Variants in ZBTB20 observed in about 807,000 individuals in gnomAD.
ZBTB20 encodes zinc finger and BTB domain-containing protein 20.
Under a neutral mutation model 56.9 loss-of-function variants are expected in ZBTB20, and 9 were observed. The ratio of observed to expected loss-of-function variants is 0.16; its 90% CI spans 0.10 to 0.28. The LOEUF (loss-of-function observed/expected upper bound fraction) is 0.28. ZBTB20 is among the 10% of genes least tolerant of loss of function. The pLI, the probability that ZBTB20 is intolerant of heterozygous loss-of-function variation, is 1.00. For synonymous variants in ZBTB20, 417 were observed against 420.7 expected, an observed-to-expected ratio of 0.99 and a Z score of 0.11; for missense variants, 655 against 1,003.0, an observed-to-expected ratio of 0.65 and a Z score of 4.69.
intron 4 of ZBTB20, among the ~76,000 whole-genome samples, chr3:114,886,356 C>A (rs1187384594): frequency 6.6e-6 from 1 of 152,186 alleles, no homozygotes; most frequent in East Asian, 1.9e-4. Flanking sequence ...ATCCATAGTT[C>A]TCTAATAAAG....
At chr3:114,813,986 T>C (rs1578991356) in intron 4 of ZBTB20, among the ~76,000 whole-genome samples, 1 of 152,034 alleles carries the variant, frequency 6.6e-6, no homozygotes, top group South Asian at 2.1e-4. Flanking sequence ...ATATCCTTTG[T>C]TGCTAATGAA....
chr3:115,081,192 A>T (rs1205576202), intron 1 of ZBTB20, among the ~76,000 whole-genome samples: 2 of 152,158 alleles, frequency 1.3e-5, no homozygotes, highest in Non-Finnish European at 2.9e-5. Context: ...CATTCTCTGG[A>T]TTCTATGTAA....
At chr3:114,567,829 CA>C (rs1352515928) in intron 6 of ZBTB20, among the ~76,000 whole-genome samples, 3 of 152,198 alleles carry the variant, frequency 2.0e-5, no homozygotes, top group African/African-American at 4.8e-5. Flanking sequence ...CATCTGGAAA[CA>C]AAACCAGACA....
At chr3:114,844,546 A>C (rs1006316227) in intron 4 of ZBTB20, among the ~76,000 whole-genome samples, 3 of 140,780 alleles carry the variant, frequency 2.1e-5, no homozygotes, top group African/African-American at 8.2e-5. Flanking sequence ...AAAAAAAAAA[A>C]AAAAAACTTT....
intron 5 of ZBTB20, among the ~76,000 whole-genome samples, chr3:114,766,797 T>C (rs1415740113): frequency 2.0e-5 from 3 of 151,982 alleles, no homozygotes; most frequent in Admixed American, 1.3e-4. Flanking sequence ...AACTAGAAAA[T>C]TCAAACCCTA....
intron 2 of ZBTB20, among the ~76,000 whole-genome samples, chr3:115,001,626 G>A (rs1040148087): frequency 6.6e-6 from 1 of 150,768 alleles, no homozygotes; most frequent in South Asian, 2.1e-4. Flanking sequence ...ATGTAAAATT[G>A]AAAGCACAAC....
intron 4 of ZBTB20, among the ~76,000 whole-genome samples, chr3:114,887,414 C>T (rs865994454): frequency 2.0e-5 from 3 of 152,140 alleles, no homozygotes; most frequent in Non-Finnish European, 4.4e-5. Context: ...CTGGGAGATA[C>T]GGTCCTTGCA....
chr3:114,605,639 G>T (rs879714997), intron 6 of ZBTB20, among the ~76,000 whole-genome samples: 1 of 152,158 alleles, frequency 6.6e-6, no homozygotes, highest in Non-Finnish European at 1.5e-5. Context: ...AACACAGGGT[G>T]AATAACCTGC....
At chr3:114,749,037 C>T (rs2067341197) in intron 5 of ZBTB20, among the ~76,000 whole-genome samples, 1 of 152,206 alleles carries the variant, frequency 6.6e-6, no homozygotes, top group African/African-American at 2.4e-5. Flanking sequence ...TCACAGGAGG[C>T]ACTCGATGAG....
chr3:114,861,702 AAC>A (rs869237880), intron 4 of ZBTB20: 4,169 of 46,232 alleles, frequency 0.09, 203 homozygotes, highest in African/African-American at 0.14. Flanking sequence ...CACACACACA[AAC>A]ACACACACAC....
intron 5 of ZBTB20, among the ~76,000 whole-genome samples, chr3:114,751,853 T>G (rs1050284230): frequency 3.9e-5 from 6 of 152,286 alleles, no homozygotes; most frequent in African/African-American, 1.2e-4. Flanking sequence ...ATCCAGATTC[T>G]TAATGTGTGT....
intron 2 of ZBTB20, among the ~76,000 whole-genome samples, chr3:115,030,713 T>C (rs560529940): frequency 6.6e-6 from 1 of 151,396 alleles, no homozygotes; most frequent in South Asian, 2.1e-4. Flanking sequence ...TCCTTCAGGG[T>C]ACAGCTCAAT....
intron 1 of ZBTB20, among the ~76,000 whole-genome samples, chr3:115,107,855 T>A (rs1435427625): frequency 6.6e-6 from 1 of 152,144 alleles, no homozygotes; most frequent in African/African-American, 2.4e-5. Context: ...CATAGATGAA[T>A]CTGGAAGACA....
At chr3:115,047,285 G>C (rs1052189100) in intron 2 of ZBTB20, among the ~76,000 whole-genome samples, 8 of 152,134 alleles carry the variant, frequency 5.3e-5, no homozygotes, top group Non-Finnish European at 1.2e-4. Flanking sequence ...AAAACAAAAA[G>C]TTTCAATAGC....
chr3:114,852,733 A>G (rs753022682), intron 4 of ZBTB20, among the ~76,000 whole-genome samples: 11 of 152,212 alleles, frequency 7.2e-5, no homozygotes, highest in Non-Finnish European at 1.5e-4. Flanking sequence ...GCTGATAGCT[A>G]AATCTGGGTC....
intron 3 of ZBTB20, among the ~76,000 whole-genome samples, chr3:114,969,116 T>C (rs2108019550): frequency 6.6e-6 from 1 of 152,364 alleles, no homozygotes; most frequent in African/African-American, 2.4e-5. Flanking sequence ...ATCTCCCTGT[T>C]AGACTATAAG....
chr3:114,459,525 C>T (rs904234217), intron 7 of ZBTB20, among the ~76,000 whole-genome samples: 14 of 152,096 alleles, frequency 9.2e-5, no homozygotes, highest in Non-Finnish European at 1.6e-4. Context: ...AAGGTCTTTC[C>T]ATTCTACCTT....
chr3:115,056,431 C>A (rs1195387941), intron 2 of ZBTB20, among the ~76,000 whole-genome samples: 1 of 151,966 alleles, frequency 6.6e-6, no homozygotes, highest in Non-Finnish European at 1.5e-5. Context: ...TGCAACCTGG[C>A]AATGATTTTA....
At chr3:114,733,699 G>A (rs2065926559) in intron 5 of ZBTB20, among the ~76,000 whole-genome samples, 1 of 152,128 alleles carries the variant, frequency 6.6e-6, no homozygotes. Flanking sequence ...TTGTATATAT[G>A]TAGGGTAAAC....
Sources: allele counts gnomAD v4.1 joint callset (sites outside exome capture counted in the v4.1 genomes callset), GRCh38; gene constraint gnomAD v4.1.1; transcripts MANE v1.5; gene names NCBI Gene and HGNC (gene_info 2026-07-23, HGNC 2026-07-21).